ZFPL1: variants seen among roughly 807,000 people sequenced by gnomAD.
The protein encoded by ZFPL1 is zinc finger protein like 1, also known as zinc finger protein-like 1.
Under a neutral mutation model 32.0 loss-of-function variants are expected in ZFPL1, and 28 were observed. The observed-to-expected ratio is 0.87, with a 90% CI of 0.65 to 1.20. The LOEUF is 1.20. ZFPL1 is among the 50% of genes most tolerant of loss of function. ZFPL1 has a pLI of 0.00. For synonymous variants in ZFPL1, 165 were observed against 177.0 expected, an observed-to-expected ratio of 0.93 and a Z score of 0.54; for missense variants, 386 against 424.8, an observed-to-expected ratio of 0.91 and a Z score of 0.80.
chr11:65,087,850 T>C, intron 7 of ZFPL1, 78 bp from the exon 8 acceptor site: 1 of 1,416,510 alleles, frequency 7.1e-7, no homozygotes, highest in Admixed American at 2.4e-5. Context: ...CAGGAATGGG[T>C]GGTGACCAGG....
At chr11:65,087,767 C>T in intron 7 of ZFPL1, 161 bp from the exon 8 acceptor site, 2 of 754,900 alleles carry the variant, frequency 2.6e-6, no homozygotes, top group Non-Finnish European at 4.2e-6. Context: ...CTGGTTTGAG[C>T]TGCACAATAA....
chr11:65,085,149 A>G lies in ZFPL1; in HGVS notation c.137A>G (p.Asp46Gly), dbSNP rs1390102425. 1.2e-6 allele frequency: 2 copies of G among 1,614,034 alleles called. No individual in the cohort carries two copies. The highest frequency in any genetic ancestry group is 1.3e-5 in the African/African-American group (1 of 74,894). Residue 46 changes from aspartate (D) to glycine (G), a missense_variant, in exon 3 of 8, where the codon GAT becomes GGT. Physicochemically the swap from Asp to Gly is moderately conservative, Grantham distance 94 (BLOSUM62 -1). Transcript: ENST00000294258. Reference protein sequence around the residue: ...IVQSYLQWLQDSDYNPNCRLC... With the variant: ...IVQSYLQWLQGSDYNPNCRLC... ...CAGTCCTACCTGCAATGGCTCCAAG[A>G]TAGCGACTACAACCCCAATTGCCGC...
In ZFPL1 at chr11:65,086,499, GCAAT is replaced by G. The variant is rs1273343890; in HGVS notation, c.300_303del (p.Cys100TrpfsTer18). The G allele has an allele frequency of 1.2e-6, 2 of 1,614,022 alleles. No individual in the cohort carries two copies. Among genetic ancestry groups the G allele is most frequent in the Non-Finnish European group, 1.7e-6 (2 of 1,180,028 alleles). ...CCTGCCGGCTATCAGTGCCCCAGCT[GCAAT>G]GGCCCCATCTTCCCCCCAACCAACC... On this transcript the variant is annotated frameshift_variant, in exon 4 of 8. Transcript: ENST00000294258. LOFTEE classifies it high-confidence loss of function.
Position 65,087,936 on chromosome 11 carries a change from C to T in ZFPL1, c.755C>T (p.Ala252Val). 6.4e-7 allele frequency: 1 copy of T among 1,561,332 alleles called. No individual in the cohort carries two copies. The highest frequency in any genetic ancestry group is 8.6e-7 in the Non-Finnish European group (1 of 1,166,394). ...GWLARLLRSR[A>V]GSRKRPLTLL... ...TCCCCTCATCCCCCCAGGAGCCGGG[C>T]TGGGTCTCGGAAGCGGCCGCTGACC... The change falls in exon 8 of 8, where the codon GCT becomes GTT. Residue 252 changes from alanine to valine, a missense_variant. Transcript: ENST00000294258.
At chr11:65,084,597 T>C in intron 1 of ZFPL1, 94 bp from the exon 2 acceptor site, 1 of 967,998 alleles carries the variant, frequency 1.0e-6, no homozygotes, top group Non-Finnish European at 1.6e-6. Context: ...ATATGAGAGG[T>C]GTCTGGGGGA....
In ZFPL1 at chr11:65,086,777, T is replaced by C. The variant is rs770578313; in HGVS notation, c.466T>C (p.Trp156Arg). Residue 156 changes from tryptophan to arginine, a missense_variant, in exon 5 of 8, where the codon TGG (tryptophan) becomes CGG (arginine). Coordinates refer to ENST00000294258, the MANE Select transcript of ZFPL1 (RefSeq NM_006782.4). ...CCTCAACACGTCTGACTTCTCTGAC[T>C]GGTCTAGTTTTAATGGTAAGTGGTG... Reference protein sequence around the residue: ...EPLNTSDFSDWSSFNASSTPG... With the variant: ...EPLNTSDFSDRSSFNASSTPG... The C allele has an allele frequency of 2.5e-6, 4 of 1,614,122 alleles. No individual in the cohort carries two copies. In the African/African-American group the frequency reaches 4.0e-5, roughly 16 times the overall value.
At chr11:65,085,413 C>A (rs988183946) in intron 3 of ZFPL1, 187 bp downstream of exon 3, 2 of 611,486 alleles carry the variant, frequency 3.3e-6, no homozygotes, top group Non-Finnish European at 5.8e-6. Context: ...CTAGGCCTCA[C>A]TGTCTTTCCT....
chr11:65,084,961 G>A (rs369029604), intron 2 of ZFPL1, 154 bp from the exon 3 acceptor site: 1 of 1,019,816 alleles, frequency 9.8e-7, no homozygotes, highest in African/African-American at 1.6e-5. Flanking sequence ...CCAAGAGAGA[G>A]TCTGGTGCAC....
At chr11:65,086,340 G>C in intron 3 of ZFPL1, 75 bp from the exon 4 acceptor site, 1 of 1,557,874 alleles carries the variant, frequency 6.4e-7, no homozygotes, top group South Asian at 1.1e-5. Flanking sequence ...CAATGGTCTG[G>C]GGACTATTGC....
chr11:65,085,667 C>T (rs753783358), intron 3 of ZFPL1: 7 of 232,860 alleles, frequency 3.0e-5, no homozygotes, highest in Non-Finnish European at 5.2e-5. Context: ...ATGACTTTGA[C>T]CTGAATCTGG....
intron 7 of ZFPL1, 29 bp downstream of exon 7, chr11:65,087,462 C>T (rs762189759): frequency 1.9e-6 from 3 of 1,604,626 alleles, no homozygotes; most frequent in Non-Finnish European, 2.6e-6. Flanking sequence ...GGCGGAATGC[C>T]AGGAAGGGGT....
In ZFPL1 at chr11:65,085,202, G is replaced by C. The variant is rs377164955; in HGVS notation, c.190G>C (p.Glu64Gln). 24 of 1,613,974 alleles carry C rather than the reference G, an allele frequency of 1.5e-5. No individual in the cohort carries two copies. The highest frequency in any genetic ancestry group is 1.1e-4 in the South Asian group (10 of 91,086). ...GTGCAACATACCCCTGGCCAGCCGAGAGACGACCCGCCTTGTCTGCTATGG... is the reference window on the plus strand; with the variant it reads ...GTGCAACATACCCCTGGCCAGCCGACAGACGACCCGCCTTGTCTGCTATGG... ...RLCNIPLASRETTRLVCYDLF... is the reference protein window; with the variant it reads ...RLCNIPLASRQTTRLVCYDLF... Residue 64 changes from glutamate (E) to glutamine (Q), a missense_variant, in exon 3 of 8, where the codon GAG (glutamate) becomes CAG (glutamine). Transcript: ENST00000294258.
intron 5 of ZFPL1, 35 bp from the exon 6 acceptor site, chr11:65,086,893 A>C: frequency 6.2e-7 from 1 of 1,613,086 alleles, no homozygotes; most frequent in Non-Finnish European, 8.5e-7. Context: ...AGCTCTATGC[A>C]CTGCTTCTGC....
In ZFPL1 at chr11:65,084,269, AG is replaced by A. The variant is rs1269387505; in HGVS notation, c.-117del. 2 of 559,646 alleles carry A rather than the reference AG, an allele frequency of 3.6e-6. No individual in the cohort carries two copies. Among genetic ancestry groups the A allele is most frequent in the Non-Finnish European group, 6.3e-6 (2 of 315,158 alleles). The allele number at this position is 559,646 out of a possible 1,614,324, so 34.7% of individuals were successfully genotyped here. On this transcript the variant is annotated 5_prime_UTR_variant, in exon 1 of 8. Coordinates refer to ENST00000294258, the MANE Select transcript of ZFPL1 (RefSeq NM_006782.4). ...AATCGGGGCGGCCGGGGCTGAAGGG[AG>A]AGGCGCAGGAGCCCTGGGGAGAGTG...
chr11:65,086,723 G>T lies in ZFPL1; in HGVS notation c.412G>T (p.Asp138Tyr). 1 of 1,614,222 alleles carries T rather than the reference G, an allele frequency of 6.2e-7. No individual in the cohort carries two copies. The highest frequency in any genetic ancestry group is 8.5e-7 in the Non-Finnish European group (1 of 1,180,042). The change falls in exon 5 of 8, where the codon GAT becomes TAT. Residue 138 changes from aspartate to tyrosine, a missense_variant. Physicochemically the swap from Asp to Tyr is radical, Grantham distance 160 (BLOSUM62 -3). Transcript: ENST00000294258. ...ARAGLGLPLI[D>Y]EVVSPEPEPL... Reference sequence around the variant, plus strand: ...TGACCCAGATTCCTTCCTCCAGATCGATGAGGTGGTGAGCCCAGAGCCCGA... The same window carrying T: ...TGACCCAGATTCCTTCCTCCAGATCTATGAGGTGGTGAGCCCAGAGCCCGA...
chr11:65,086,553 TGA>T lies in ZFPL1; in HGVS notation c.360_361del (p.Lys121AlafsTer18). ...CTGGCTGGCCCCGTGGCCTCCGCAC[TGA>T]GAGAGAAGCTGGCCACAGTCAACTG... On this transcript the variant is annotated frameshift_variant, in exon 4 of 8. Coordinates refer to ENST00000294258, the MANE Select transcript of ZFPL1 (RefSeq NM_006782.4). LOFTEE classifies it high-confidence loss of function. 1 of 1,614,162 alleles carries T rather than the reference TGA, an allele frequency of 6.2e-7. No homozygotes were observed. The highest frequency in any genetic ancestry group is 2.2e-5 in the East Asian group (1 of 44,882).
At chr11:65,087,143 T>C in intron 6 of ZFPL1, 69 bp downstream of exon 6, 2 of 1,574,878 alleles carry the variant, frequency 1.3e-6, no homozygotes, top group Non-Finnish European at 1.7e-6. Flanking sequence ...TAGGGGGAGC[T>C]TGAGGATCCA....
In ZFPL1 at chr11:65,085,244, C is replaced by T. The variant is rs762066396; in HGVS notation, c.214+18C>T. The T allele has an allele frequency of 3.1e-6, 5 of 1,611,332 alleles. No individual in the cohort carries two copies. Among genetic ancestry groups the T allele is most frequent in the Non-Finnish European group, 4.2e-6 (5 of 1,177,826 alleles). Reference sequence around the variant, plus strand: ...CTGCTATGGTGAGGCCTTGGCACCTCGGGGGGATCAGGCCAGCCTCAGGGG... The same window carrying T: ...CTGCTATGGTGAGGCCTTGGCACCTTGGGGGGATCAGGCCAGCCTCAGGGG... On this transcript the variant is annotated intron_variant, in intron 3 of 7. Coordinates refer to ENST00000294258, the MANE Select transcript of ZFPL1 (RefSeq NM_006782.4).
chr11:65,087,396 C>A lies in ZFPL1; in HGVS notation c.709C>A (p.Arg237Ser), dbSNP rs775334314. 6.2e-7 allele frequency: 1 copy of A among 1,613,950 alleles called. No individual in the cohort carries two copies. The change falls in exon 7 of 8, where the codon CGT (arginine) becomes AGT (serine). Residue 237 changes from arginine to serine, a missense_variant. Physicochemically the swap from Arg to Ser is moderately radical, Grantham distance 110. Transcript: ENST00000294258. ...AGACTGTGACGATGACAAGTACCGA[C>A]GTCGGCCGGCCTTGGGTTGGCTGGC... ...HGDCDDDKYRRRPALGWLARL... is the reference protein window; with the variant it reads ...HGDCDDDKYRSRPALGWLARL...
Sources: allele counts gnomAD v4.1 joint callset, GRCh38; gene constraint gnomAD v4.1.1; transcripts MANE v1.5; gene names NCBI Gene and HGNC (gene_info 2026-07-23, HGNC 2026-07-21).